The following DDX39A variants were observed in gnomAD, a reference collection of about 807,000 sequenced individuals.
DDX39A encodes the protein DExD-box helicase 39A, also known as ATP-dependent RNA helicase DDX39A.
Under a neutral mutation model 46.3 loss-of-function variants are expected in DDX39A, and 13 were observed. That is an observed-to-expected ratio of 0.28 (90% CI 0.18 to 0.45). DDX39A has a LOEUF of 0.45. Ranked by LOEUF, DDX39A falls within the 20% of genes least tolerant of loss-of-function variation. The pLI, the probability that DDX39A is intolerant of heterozygous loss-of-function variation, is 1.00. For missense variants in DDX39A, 352 were observed against 581.8 expected (o/e 0.61, Z 4.06); for synonymous variants, 234 against 224.6 (o/e 1.04, Z -0.38).
chr19:14,412,866 C>T lies in DDX39A; in HGVS notation c.208+147G>A. 5 of 1,258,582 alleles carry T rather than the reference C, an allele frequency of 4.0e-6. No homozygotes were observed. The Admixed American group carries it at 1.0e-4, about 25-fold the overall frequency. 78.0% of individuals were successfully genotyped at this position (1,258,582 alleles called of 1,614,324 possible). A position where few individuals can be genotyped will look rare whatever the true frequency, so the allele number is the denominator to read the frequency against. On this transcript the variant is annotated intron_variant, in intron 2 of 10. Transcript: ENST00000242776. The surrounding 1 kb of genome is among the most constrained non-coding windows in gnomAD (Gnocchi z 4.4). ...AACGCCCCACTGCCGAGGGCAGCCACAGGCCCCGCTGGGCACAACTGATCC... is the reference window on the plus strand; with the variant it reads ...AACGCCCCACTGCCGAGGGCAGCCATAGGCCCCGCTGGGCACAACTGATCC...
rs1599644484 is a variant in DDX39A at position 14,411,429 on chromosome 19, T to C, written c.429+77A>G. On this transcript the variant is annotated intron_variant, in intron 4 of 10. Transcript: ENST00000242776. The surrounding 1 kb of genome is among the most constrained non-coding windows in gnomAD (Gnocchi z 4.1). ...TGCCCCTGCCAAGCTTGGTAAATGC[T>C]GGCTGGGCCAGAGCCGAGGCTAACA... is the stretch of plus-strand genomic sequence containing the variant. 1 of 1,425,154 alleles carries C rather than the reference T, an allele frequency of 7.0e-7. No homozygotes were observed. Among genetic ancestry groups the C allele is most frequent in the Non-Finnish European group, 9.9e-7 (1 of 1,012,646 alleles). 88.3% of individuals were successfully genotyped at this position (1,425,154 alleles called of 1,614,324 possible).
Position 14,410,034 on chromosome 19 carries a change from G to T in DDX39A, c.733-161C>A. 1 of 1,111,284 alleles carries T rather than the reference G, an allele frequency of 9.0e-7. No individual in the cohort carries two copies. Among genetic ancestry groups the T allele is most frequent in the East Asian group, 2.4e-5 (1 of 42,224 alleles). The allele number at this position is 1,111,284 out of a possible 1,614,324, so 68.8% of individuals were successfully genotyped here. A position where few individuals can be genotyped will look rare whatever the true frequency, so the allele number is the denominator to read the frequency against. ...GCTCAAAAGCTGGATGTAAGCTCTG[G>T]CCCGACTCAGGTGTGGACCAAGCTT... On this transcript the variant is annotated intron_variant, in intron 6 of 10. Transcript: ENST00000242776. This position sits in a 1 kb window ranked among gnomAD's most constrained non-coding sequence, Gnocchi z 4.3.
At chr19:14,418,927 A>AC (rs1300822117) in intron 1 of DDX39A, 1 of 455,786 alleles carries the variant, frequency 2.2e-6, no homozygotes. Context: ...CCCCGGCGTC[A>AC]CCCCCTCGTC....
intron 1 of DDX39A, among the ~76,000 whole-genome samples, chr19:14,415,593 G>A (rs1250893657): frequency 6.6e-6 from 1 of 151,666 alleles, no homozygotes; most frequent in Admixed American, 6.6e-5. Context: ...CACCACACCT[G>A]GCCTCATTTC....
chr19:14,416,691 T>C (rs1192564848), intron 1 of DDX39A, among the ~76,000 whole-genome samples: 1 of 152,140 alleles, frequency 6.6e-6, no homozygotes, highest in African/African-American at 2.4e-5. Context: ...TGTTTGTTTG[T>C]TTTTTTGTTT....
chr19:14,418,910 C>G lies in DDX39A; in HGVS notation c.-5+360G>C. The G allele has an allele frequency of 4.4e-6, 2 of 456,258 alleles. 1 individual carries two copies. 28.3% of individuals were successfully genotyped at this position (456,258 alleles called of 1,614,324 possible). On this transcript the variant is annotated intron_variant, in intron 1 of 10. Coordinates refer to ENST00000242776, the MANE Select transcript of DDX39A (RefSeq NM_005804.4). Reference sequence around the variant, plus strand: ...AAAGCTCCAACTTCTCCCACCCAGGCCCCAGACCCCGGCGTCACCCCCTCG... The same window carrying G: ...AAAGCTCCAACTTCTCCCACCCAGGGCCCAGACCCCGGCGTCACCCCCTCG...
At chr19:14,416,981 C>G (rs1378629811) in intron 1 of DDX39A, among the ~76,000 whole-genome samples, 1 of 152,178 alleles carries the variant, frequency 6.6e-6, no homozygotes, top group African/African-American at 2.4e-5. Context: ...CCCACCACGC[C>G]CAGCCTGGGC....
intron 1 of DDX39A, among the ~76,000 whole-genome samples, chr19:14,414,372 T>A (rs958680701): frequency 4.2e-5 from 6 of 142,206 alleles, no homozygotes; most frequent in Non-Finnish European, 6.1e-5. Flanking sequence ...TTATTATTAT[T>A]GAGATGAAGT....
Position 14,412,735 on chromosome 19 carries a change from C to G in DDX39A, c.209-57G>C. Reference sequence around the variant, plus strand: ...ACCTGGATGCACCCCCGTGCAGGATCCTCACCAGTTGACCGGGGGCCCACA... The same window carrying G: ...ACCTGGATGCACCCCCGTGCAGGATGCTCACCAGTTGACCGGGGGCCCACA... On this transcript the variant is annotated intron_variant, in intron 2 of 10. Transcript: ENST00000242776. This position sits in a 1 kb window ranked among gnomAD's most constrained non-coding sequence, Gnocchi z 4.4. 5 of 1,552,036 alleles carry G rather than the reference C, an allele frequency of 3.2e-6. No homozygotes were observed. Among genetic ancestry groups the G allele is most frequent in the Non-Finnish European group, 4.3e-6 (5 of 1,153,406 alleles).
rs761998547 is a variant in DDX39A, at chr19:14,409,293, G to A, written c.1119+10C>T. ...CCAGGGGAAAGCAACATGCCCGTGAGGCTGCTCACCCGGTGCAGGTAGGTG... is the reference window on the plus strand; with the variant it reads ...CCAGGGGAAAGCAACATGCCCGTGAAGCTGCTCACCCGGTGCAGGTAGGTG... On this transcript the variant is annotated intron_variant, in intron 9 of 10. Transcript: ENST00000242776. This position sits in a 1 kb window ranked among gnomAD's most constrained non-coding sequence, Gnocchi z 8.3. 6.2e-7 allele frequency: 1 copy of A among 1,614,186 alleles called. No homozygotes were observed.
chr19:14,409,829 G>A lies in DDX39A; in HGVS notation c.777C>T (p.His259=), dbSNP rs556046710. ...FVDDETKLTL[H]GLQQYYVKLK... is the part of the protein sequence containing the mutation. ...GTTTGACGTAGTACTGCTGCAGGCC[G>A]TGCAGCGTGAGCTTGGTCTCGTCGT... The change falls in exon 7 of 11, where the codon CAC becomes CAT. Residue 259 remains histidine (H), a synonymous_variant. Coordinates refer to ENST00000242776, the MANE Select transcript of DDX39A (RefSeq NM_005804.4). The surrounding 1 kb of genome is among the most constrained non-coding windows in gnomAD (Gnocchi z 8.3). 5.6e-6 allele frequency: 9 copies of A among 1,614,042 alleles called. No homozygotes were observed. Among genetic ancestry groups the A allele is most frequent in the South Asian group, 5.5e-5 (5 of 91,086 alleles).
Position 14,411,669 on chromosome 19 carries a change from C to G in DDX39A, c.337-71G>C. On this transcript the variant is annotated intron_variant, in intron 3 of 10. Coordinates refer to ENST00000242776, the MANE Select transcript of DDX39A (RefSeq NM_005804.4). The surrounding 1 kb of genome is among the most constrained non-coding windows in gnomAD (Gnocchi z 4.1). ...AAACCCCTTCCCCACCAGAGTCCAC[C>G]CAACCCAGTCCCCCTGACACTGCAC... is the stretch of plus-strand genomic sequence containing the variant. 1 of 1,386,014 alleles carries G rather than the reference C, an allele frequency of 7.2e-7. No homozygotes were observed. Among genetic ancestry groups the G allele is most frequent in the Non-Finnish European group, 1.0e-6 (1 of 985,374 alleles). 85.9% of individuals were successfully genotyped at this position (1,386,014 alleles called of 1,614,324 possible). A position where few individuals can be genotyped will look rare whatever the true frequency, so the allele number is the denominator to read the frequency against.
Position 14,409,288 on chromosome 19 carries a change from C to T in DDX39A, c.1119+15G>A, listed in dbSNP as rs371904781. On this transcript the variant is annotated intron_variant, in intron 9 of 10. Coordinates refer to ENST00000242776, the MANE Select transcript of DDX39A (RefSeq NM_005804.4). This position sits in a 1 kb window ranked among gnomAD's most constrained non-coding sequence, Gnocchi z 8.3. ...CACCGCCAGGGGAAAGCAACATGCC[C>T]GTGAGGCTGCTCACCCGGTGCAGGT... The T allele has an allele frequency of 1.1e-5, 17 of 1,614,030 alleles. No homozygotes were observed. The highest frequency in any genetic ancestry group is 1.6e-4 in the Middle Eastern group (1 of 6,084).
At chr19:14,413,439 T>C (rs1001800118) in intron 1 of DDX39A, among the ~76,000 whole-genome samples, 64 of 99,460 alleles carry the variant, frequency 6.4e-4, no homozygotes, top group Non-Finnish European at 9.1e-4. Flanking sequence ...CAGAACACCC[T>C]CCACCTCCAA....
Position 14,412,603 on chromosome 19 carries a change from G to T in DDX39A, c.284C>A (p.Thr95Lys). ...LCQAKSGMGK[T>K]AVFVLATLQQ... ...TAGGGTGGCCAGCACGAAGACCGCT[G>T]TCTTGCCCATCCCGGACTTGGCCTG... is the stretch of plus-strand genomic sequence containing the variant. The change falls in exon 3 of 11, where the codon ACA becomes AAA. Residue 95 changes from threonine to lysine, a missense_variant. Physicochemically the swap from Thr to Lys is moderately conservative, Grantham distance 78. Transcript: ENST00000242776. This position sits in a 1 kb window ranked among gnomAD's most constrained non-coding sequence, Gnocchi z 4.4. 1 of 1,611,090 alleles carries T rather than the reference G, an allele frequency of 6.2e-7. No homozygotes were observed.
Position 14,411,693 on chromosome 19 carries a change from A to G in DDX39A, c.337-95T>C. 1 of 1,100,208 alleles carries G rather than the reference A, an allele frequency of 9.1e-7. No individual in the cohort carries two copies. Among genetic ancestry groups the G allele is most frequent in the Middle Eastern group, 2.0e-4 (1 of 5,070 alleles). The allele number at this position is 1,100,208 out of a possible 1,614,324, so 68.2% of individuals were successfully genotyped here. A position where few individuals can be genotyped will look rare whatever the true frequency, so the allele number is the denominator to read the frequency against. On this transcript the variant is annotated intron_variant, in intron 3 of 10. Coordinates refer to ENST00000242776, the MANE Select transcript of DDX39A (RefSeq NM_005804.4). The surrounding 1 kb of genome is among the most constrained non-coding windows in gnomAD (Gnocchi z 4.1). Reference sequence around the variant, plus strand: ...CCCAACCCAGTCCCCCTGACACTGCACCCAACATCACAGGCCATTTGAAGG... The same window carrying G: ...CCCAACCCAGTCCCCCTGACACTGCGCCCAACATCACAGGCCATTTGAAGG...
chr19:14,416,582 C>T (rs2146394874), intron 1 of DDX39A, among the ~76,000 whole-genome samples: 1 of 152,338 alleles, frequency 6.6e-6, no homozygotes, highest in South Asian at 2.1e-4. Context: ...GTCCGAAAAG[C>T]ACCAGAGCCT....
In DDX39A at chr19:14,409,900, C is replaced by A. The variant is rs199873900; in HGVS notation, c.733-27G>T. 1.9e-5 allele frequency: 31 copies of A among 1,612,058 alleles called. No individual in the cohort carries two copies. The Admixed American group carries it at 3.3e-4, about 17-fold the overall frequency. ...TGTGTGGGAAGGGAGGTGGGAGGGG[C>A]GGGCAGGGATCACCTCTGGGCATCT... On this transcript the variant is annotated intron_variant, in intron 6 of 10. Transcript: ENST00000242776. The surrounding 1 kb of genome is among the most constrained non-coding windows in gnomAD (Gnocchi z 8.3).
chr19:14,411,488 C>A lies in DDX39A; in HGVS notation c.429+18G>T, dbSNP rs772908071. ...GAAACCAAGTGGCGCCTGGTCCAGTCTGGCCCGAGGGACTCACCTTGACGC... is the reference window on the plus strand; with the variant it reads ...GAAACCAAGTGGCGCCTGGTCCAGTATGGCCCGAGGGACTCACCTTGACGC... On this transcript the variant is annotated intron_variant, in intron 4 of 10. Coordinates refer to ENST00000242776, the MANE Select transcript of DDX39A (RefSeq NM_005804.4). The surrounding 1 kb of genome is among the most constrained non-coding windows in gnomAD (Gnocchi z 4.1). The A allele has an allele frequency of 7.5e-6, 12 of 1,610,608 alleles. No individual in the cohort carries two copies. Among genetic ancestry groups the A allele is most frequent in the Non-Finnish European group, 9.3e-6 (11 of 1,176,958 alleles).
Sources: allele counts gnomAD v4.1 joint callset (sites outside exome capture counted in the v4.1 genomes callset), GRCh38; gene constraint gnomAD v4.1.1; non-coding constraint Gnocchi (gnomAD v3.1); transcripts MANE v1.5; gene names NCBI Gene and HGNC (gene_info 2026-07-23, HGNC 2026-07-21).